Variants in ASAP1 observed in about 807,000 individuals in gnomAD.
ASAP1 encodes the protein ArfGAP with SH3 domain, ankyrin repeat and PH domain 1, also known as arf-GAP with SH3 domain, ANK repeat and PH domain-containing protein 1.
A neutral mutation model predicts 145.2 loss-of-function variants in ASAP1; 43 were observed. That is an observed-to-expected ratio of 0.30 (90% CI 0.23 to 0.38). ASAP1 has a LOEUF of 0.38. Ranked by LOEUF, ASAP1 falls within the 10% of genes least tolerant of loss-of-function variation. The pLI is 1.00. For synonymous variants in ASAP1, 546 were observed against 515.5 expected, an observed-to-expected ratio of 1.06 and a Z score of -0.80; for missense variants, 1,018 against 1,355.3, an observed-to-expected ratio of 0.75 and a Z score of 3.91.
At chr8:130,143,757 C>T (rs1217726659) in intron 13 of ASAP1, among the ~76,000 whole-genome samples, 1 of 152,092 alleles carries the variant, frequency 6.6e-6, no homozygotes, top group Non-Finnish European at 1.5e-5. Flanking sequence ...AAATAAACAC[C>T]GCACATTTGT....
intron 3 of ASAP1, among the ~76,000 whole-genome samples, chr8:130,354,084 G>A (rs1826161295): frequency 6.6e-6 from 1 of 152,044 alleles, no homozygotes; most frequent in South Asian, 2.1e-4. Context: ...TAGAGATGGG[G>A]TTTCACTGTG....
At chr8:130,443,215 TC>T (rs1436856516) in intron 1 of ASAP1, among the ~76,000 whole-genome samples, 3 of 132,260 alleles carry the variant, frequency 2.3e-5, no homozygotes, top group Admixed American at 7.2e-5. Context: ...CGAGGAGACC[TC>T]CCCCCCCCAC....
At chr8:130,266,181 C>G (rs1315088996) in intron 3 of ASAP1, among the ~76,000 whole-genome samples, 1 of 152,094 alleles carries the variant, frequency 6.6e-6, no homozygotes, top group Non-Finnish European at 1.5e-5. Context: ...CCCACCAGCA[C>G]AGAGAGATGC....
At chr8:130,055,848 C>T (rs1038129116) in intron 29 of ASAP1, among the ~76,000 whole-genome samples, 1 of 152,238 alleles carries the variant, frequency 6.6e-6, no homozygotes, top group Non-Finnish European at 1.5e-5. Context: ...CTGCCCAGCT[C>T]TCCTGAAGGC....
At chr8:130,299,504 C>T (rs1178060806) in intron 3 of ASAP1, among the ~76,000 whole-genome samples, 2 of 152,212 alleles carry the variant, frequency 1.3e-5, no homozygotes, top group African/African-American at 4.8e-5. Flanking sequence ...TCCTCATCCC[C>T]TTTTTAAAGG....
At chr8:130,267,924 T>G (rs1046265193) in intron 3 of ASAP1, among the ~76,000 whole-genome samples, 2 of 152,204 alleles carry the variant, frequency 1.3e-5, no homozygotes, top group Non-Finnish European at 2.9e-5. Flanking sequence ...TGAACCTTCT[T>G]TGTGGCTAGT....
chr8:130,429,762 C>A (rs900408508), intron 1 of ASAP1, among the ~76,000 whole-genome samples: 1 of 152,208 alleles, frequency 6.6e-6, no homozygotes, highest in African/African-American at 2.4e-5. Context: ...CACCCCCACT[C>A]CCCCGCAACA....
At chr8:130,216,950 T>C (rs374698749) in intron 4 of ASAP1, among the ~76,000 whole-genome samples, 44 of 152,354 alleles carry the variant, frequency 2.9e-4, no homozygotes, top group African/African-American at 1.0e-3. Context: ...CAGCATCCAA[T>C]GCAACACTGT....
chr8:130,337,020 C>T (rs999957616), intron 3 of ASAP1, among the ~76,000 whole-genome samples: 1 of 152,108 alleles, frequency 6.6e-6, no homozygotes, highest in African/African-American at 2.4e-5. Flanking sequence ...CACAGGGAAC[C>T]CCAGACCATA....
intron 5 of ASAP1, among the ~76,000 whole-genome samples, chr8:130,190,275 C>T (rs1176762343): frequency 6.6e-6 from 1 of 152,118 alleles, no homozygotes; most frequent in Non-Finnish European, 1.5e-5. Context: ...CTGGTAGGTT[C>T]ACAGTTTCAG....
At chr8:130,126,765 G>C (rs1367374073) in intron 16 of ASAP1, among the ~76,000 whole-genome samples, 1 of 152,078 alleles carries the variant, frequency 6.6e-6, no homozygotes, top group Non-Finnish European at 1.5e-5. Context: ...ACACAATAAT[G>C]GCAGAAAATC....
chr8:130,173,112 A>G (rs911143441), intron 9 of ASAP1, among the ~76,000 whole-genome samples: 2 of 152,184 alleles, frequency 1.3e-5, no homozygotes, highest in Non-Finnish European at 2.9e-5. Context: ...AAGAGTCAAC[A>G]TTTTCTCTGG....
intron 15 of ASAP1, among the ~76,000 whole-genome samples, chr8:130,133,314 G>C (rs1189560207): frequency 6.6e-6 from 1 of 152,194 alleles, no homozygotes; most frequent in Non-Finnish European, 1.5e-5. Context: ...TTTTAAAAAA[G>C]GGACTAGGGA....
intron 3 of ASAP1, among the ~76,000 whole-genome samples, chr8:130,298,862 C>T (rs762116526): frequency 6.6e-6 from 1 of 152,156 alleles, no homozygotes; most frequent in Non-Finnish European, 1.5e-5. Flanking sequence ...GACCACACTC[C>T]ACTGTAAACT....
At chr8:130,105,664 T>C (rs576690479) in intron 24 of ASAP1, among the ~76,000 whole-genome samples, 5 of 152,282 alleles carry the variant, frequency 3.3e-5, no homozygotes, top group African/African-American at 1.2e-4. Context: ...ATTAACCGTA[T>C]AATTATACAA....
chr8:130,420,235 TACACACACACACACAC>T (rs34138357), intron 1 of ASAP1, among the ~76,000 whole-genome samples: 4,980 of 139,424 alleles, frequency 0.036, 119 homozygotes, highest in Middle Eastern at 0.073. Flanking sequence ...CATAATGAAA[TACACACACACACACAC>T]ACACACACAC....
At chr8:130,176,348 T>C (rs1323756742) in intron 9 of ASAP1, among the ~76,000 whole-genome samples, 3 of 152,236 alleles carry the variant, frequency 2.0e-5, no homozygotes, top group Non-Finnish European at 4.4e-5. Context: ...ATTAAGAGTT[T>C]TGAGGAACTG....
intron 2 of ASAP1, among the ~76,000 whole-genome samples, chr8:130,385,610 C>G (rs1827978081): frequency 6.6e-6 from 1 of 152,212 alleles, no homozygotes; most frequent in African/African-American, 2.4e-5. Flanking sequence ...GTCTCTGACT[C>G]TCTCAGAGGG....
intron 3 of ASAP1, among the ~76,000 whole-genome samples, chr8:130,355,291 A>G (rs1301380428): frequency 6.6e-6 from 1 of 152,226 alleles, no homozygotes; most frequent in African/African-American, 2.4e-5. Context: ...ACATAGTAAA[A>G]GAAAGAGTAT....
Sources: gnomAD v4.1 joint callset for allele counts (sites outside exome capture counted in the v4.1 genomes callset) on GRCh38, gnomAD v4.1.1 for gene constraint, MANE v1.5 for transcripts, NCBI Gene and HGNC (gene_info 2026-07-23, HGNC 2026-07-21) for gene names.